ERH: variants seen among roughly 807,000 people sequenced by gnomAD.
The protein encoded by ERH is enhancer of rudimentary homolog.
ERH carries 1 observed loss-of-function variant against 16.8 expected under a neutral mutation model. The ratio of observed to expected loss-of-function variants is 0.06; its 90% CI spans 0.02 to 0.28. The LOEUF (loss-of-function observed/expected upper bound fraction) is 0.28. Among genes scored for constraint, ERH ranks in the 10% least tolerant of loss-of-function variants. The pLI, the probability that ERH is intolerant of heterozygous loss-of-function variation, is 1.00. For missense variants in ERH, 42 were observed against 127.5 expected, an observed-to-expected ratio of 0.33 and a Z score of 3.23; for synonymous variants, 43 against 43.6, an observed-to-expected ratio of 0.99 and a Z score of 0.05.
rs190350501 is a variant in ERH at position 69,390,280 on chromosome 14, T to C, written c.92-3197A>G. On this transcript the variant is annotated intron_variant, in intron 2 of 3. Coordinates refer to ENST00000557016, the MANE Select transcript of ERH (RefSeq NM_004450.3). Reference sequence around the variant, plus strand: ...AAATAATCTTGAAAAAGAAAAACACTGGAGGATTCAAACTTCCTGATTTCA... The same window carrying C: ...AAATAATCTTGAAAAAGAAAAACACCGGAGGATTCAAACTTCCTGATTTCA... Among the ~76,000 whole-genome samples the C allele has an allele frequency of 1.3e-4, 20 of 151,844 alleles. No individual in the cohort carries two copies. In the East Asian group the frequency reaches 3.9e-3, roughly 29 times the overall value.
In ERH at chr14:69,394,619, CAAAT is replaced by C. The variant is rs1187748610; in HGVS notation, c.91+202_91+205del. On this transcript the variant is annotated intron_variant, in intron 2 of 3. Coordinates refer to ENST00000557016, the MANE Select transcript of ERH (RefSeq NM_004450.3). ...CTCAAATAATACATAAATAAACAAA[CAAAT>C]AAATAAAATGTTCAATAATTATGGT... 1.4e-3 allele frequency among the ~76,000 whole-genome samples: 212 copies of C among 152,110 alleles called. 2 individuals carry two copies. The highest frequency in any genetic ancestry group is 4.7e-3 in the African/African-American group (194 of 41,496).
At chr14:69,381,897 C>T (rs2045865701) in intron 3 of ERH, among the ~76,000 whole-genome samples, 1 of 152,202 alleles carries the variant, frequency 6.6e-6, no homozygotes, top group Non-Finnish European at 1.5e-5. Flanking sequence ...ACTATGTTGG[C>T]CAGGTTGGTC....
chr14:69,397,324 A>C (rs1882367969), intron 1 of ERH, among the ~76,000 whole-genome samples: 1 of 152,132 alleles, frequency 6.6e-6, no homozygotes, highest in African/African-American at 2.4e-5. Context: ...GTTGGGTTCT[A>C]ATAGAGCTGG....
chr14:69,391,654 CAAAAAAAAAAAAA>C (rs58399149), intron 2 of ERH, among the ~76,000 whole-genome samples: 1,441 of 22,054 alleles, frequency 0.065, 41 homozygotes, highest in African/African-American at 0.16. Flanking sequence ...TCTCGCACGC[CAAAAAAAAAAAAA>C]AAAAAAAAAA....
At chr14:69,386,154 C>T (rs1332720468) in intron 3 of ERH, among the ~76,000 whole-genome samples, 2 of 152,166 alleles carry the variant, frequency 1.3e-5, no homozygotes, top group Non-Finnish European at 2.9e-5. Flanking sequence ...AAACAAAACT[C>T]AAACATCCCA....
chr14:69,380,650 GA>G lies in ERH; in HGVS notation c.213-11del. On this transcript the variant is annotated splice_polypyrimidine_tract_variant and intron_variant, in intron 3 of 3. Coordinates refer to ENST00000557016, the MANE Select transcript of ERH (RefSeq NM_004450.3). Reference sequence around the variant, plus strand: ...GGTATCAGCTCGGTAACTGAGGAGAGAAAGGGAATAAGCAAAGTCACAGTGG... The same window carrying G: ...GGTATCAGCTCGGTAACTGAGGAGAGAAGGGAATAAGCAAAGTCACAGTGG... 2 of 1,544,978 alleles carry G rather than the reference GA, an allele frequency of 1.3e-6. No homozygotes were observed. Among genetic ancestry groups the G allele is most frequent in the Non-Finnish European group, 1.8e-6 (2 of 1,118,774 alleles).
intron 2 of ERH, among the ~76,000 whole-genome samples, chr14:69,393,887 G>A (rs891508020): frequency 3.9e-5 from 6 of 152,082 alleles, no homozygotes; most frequent in African/African-American, 9.7e-5. Flanking sequence ...CAGGTGTGGC[G>A]GCAGGTGCCT....
chr14:69,395,055 T>C, intron 1 of ERH, 143 bp from the exon 2 acceptor site: 1 of 643,766 alleles, frequency 1.6e-6, no homozygotes, highest in Non-Finnish European at 2.7e-6. Context: ...ATCCCATGCC[T>C]ATAATCCTCA....
At chr14:69,381,085 T>C (rs1352960392) in intron 3 of ERH, among the ~76,000 whole-genome samples, 1 of 152,126 alleles carries the variant, frequency 6.6e-6, no homozygotes, top group Non-Finnish European at 1.5e-5. Flanking sequence ...AGTTCAAGAC[T>C]AGCCTGGCCA....
chr14:69,388,541 T>C (rs915239545), intron 2 of ERH, among the ~76,000 whole-genome samples: 5 of 152,260 alleles, frequency 3.3e-5, no homozygotes, highest in Admixed American at 3.3e-4. Flanking sequence ...TTTGTATTTT[T>C]AGTAGAGACG....
chr14:69,393,751 G>T lies in ERH; in HGVS notation c.91+1074C>A, dbSNP rs535452542. Among the ~76,000 whole-genome samples, 3 of 152,318 alleles carry T rather than the reference G, an allele frequency of 2.0e-5. No homozygotes were observed. In the East Asian group the frequency reaches 5.8e-4, roughly 29 times the overall value. On this transcript the variant is annotated intron_variant, in intron 2 of 3. Coordinates refer to ENST00000557016, the MANE Select transcript of ERH (RefSeq NM_004450.3). ...TAAAAGCCCAGACTTGGTTGGCGCG[G>T]TGGCTCATGCTTGTAATCCCAGAAC...
rs753211182 is a variant in ERH, at chr14:69,394,922, A to G, written c.4-10T>C. ...GCAAAATGGTGTGAGACTGCAGGGGAAAACATGATTTCAATATAAGTTTCT... is the reference window on the plus strand; with the variant it reads ...GCAAAATGGTGTGAGACTGCAGGGGGAAACATGATTTCAATATAAGTTTCT... On this transcript the variant is annotated splice_polypyrimidine_tract_variant and intron_variant, in intron 1 of 3. Coordinates refer to ENST00000557016, the MANE Select transcript of ERH (RefSeq NM_004450.3). 6 of 1,587,562 alleles carry G rather than the reference A, an allele frequency of 3.8e-6. No homozygotes were observed. Among genetic ancestry groups the G allele is most frequent in the Non-Finnish European group, 5.2e-6 (6 of 1,159,544 alleles).
At chr14:69,397,490 C>T (rs1882375660) in intron 1 of ERH, among the ~76,000 whole-genome samples, 2 of 151,076 alleles carry the variant, frequency 1.3e-5, no homozygotes, top group South Asian at 4.2e-4. Context: ...AAAACGAAAG[C>T]TGAAAAAACA....
At chr14:69,386,802 C>T in intron 3 of ERH, 161 bp downstream of exon 3, 2 of 574,144 alleles carry the variant, frequency 3.5e-6, no homozygotes, top group Non-Finnish European at 5.5e-6. Context: ...TTTATGTTGC[C>T]AATCTCTTAT....
At chr14:69,395,823 T>C (rs1882320945) in intron 1 of ERH, among the ~76,000 whole-genome samples, 1 of 152,206 alleles carries the variant, frequency 6.6e-6, no homozygotes, top group Admixed American at 6.5e-5. Flanking sequence ...AAATCACATA[T>C]TAGAATCACA....
At chr14:69,397,642 G>A (rs1882384834) in intron 1 of ERH, among the ~76,000 whole-genome samples, 1 of 152,160 alleles carries the variant, frequency 6.6e-6, no homozygotes, top group South Asian at 2.1e-4. Context: ...TATCCGGCAG[G>A]GCCCGGTGGC....
At chr14:69,395,806 C>T (rs1167165113) in intron 1 of ERH, among the ~76,000 whole-genome samples, 1 of 152,194 alleles carries the variant, frequency 6.6e-6, no homozygotes. Flanking sequence ...TGGGCTTTCT[C>T]ATACCAAAAT....
intron 3 of ERH, among the ~76,000 whole-genome samples, chr14:69,383,965 T>C (rs771322449): frequency 2.6e-5 from 4 of 152,132 alleles, no homozygotes; most frequent in Admixed American, 6.5e-5. Flanking sequence ...CTGGGTAATA[T>C]AGCAAGACCC....
intron 1 of ERH, among the ~76,000 whole-genome samples, chr14:69,397,393 G>A (rs1041239052): frequency 6.6e-6 from 1 of 150,658 alleles, no homozygotes; most frequent in Non-Finnish European, 1.5e-5. Context: ...ATACAGATAA[G>A]TACAGGATCG....
Sources: allele counts gnomAD v4.1 joint callset (sites outside exome capture counted in the v4.1 genomes callset), GRCh38; gene constraint gnomAD v4.1.1; transcripts MANE v1.5; gene names NCBI Gene and HGNC (gene_info 2026-07-23, HGNC 2026-07-21).